Variants in IMPG1 observed in about 807,000 individuals in gnomAD.
The protein encoded by IMPG1 is interphotoreceptor matrix proteoglycan 1.
A neutral mutation model predicts 92.0 loss-of-function variants in IMPG1; 85 were observed. The ratio of observed to expected loss-of-function variants is 0.92; its 90% confidence interval spans 0.78 to 1.11. The LOEUF (loss-of-function observed/expected upper bound fraction) is 1.11, where lower values mean the gene tolerates loss of function less well. Among genes scored for constraint, IMPG1 ranks in the 50% least tolerant of loss-of-function variants. The probability of loss-of-function intolerance (pLI) is 0.00; values close to 1 mark genes in which losing one functional copy is unlikely to be tolerated. For synonymous variants in IMPG1, 367 were observed against 334.1 expected, an observed-to-expected ratio of 1.10 and a Z score of -1.08; for missense variants, 1,022 against 956.0, an observed-to-expected ratio of 1.07 and a Z score of -0.91.
At chr6:75,927,678 G>A (rs1241395937) in intron 15 of IMPG1, among the ~76,000 whole-genome samples, 1 of 151,758 alleles carries the variant, frequency 6.6e-6, no homozygotes, top group African/African-American at 2.4e-5. Flanking sequence ...GGGTAATAAG[G>A]GCATTTCTCC....
At chr6:75,927,252 A>G (rs1206946107) in intron 15 of IMPG1, among the ~76,000 whole-genome samples, 1 of 152,130 alleles carries the variant, frequency 6.6e-6, no homozygotes. Flanking sequence ...TTCCCATTAG[A>G]TAGATGAGAA....
chr6:75,924,592 ATT>A (rs1781499689), intron 15 of IMPG1, among the ~76,000 whole-genome samples: 2 of 29,320 alleles, frequency 6.8e-5, no homozygotes, highest in African/African-American at 1.9e-4. Flanking sequence ...ATAATTATAT[ATT>A]ATATATAATT....
At chr6:76,013,248 C>CTAAATGG (rs1783222213) in intron 7 of IMPG1, among the ~76,000 whole-genome samples, 1 of 152,028 alleles carries the variant, frequency 6.6e-6, no homozygotes, top group Non-Finnish European at 1.5e-5. Flanking sequence ...GCATTTAAGA[C>CTAAATGG]CCTCCAGAAT....
intron 12 of IMPG1, among the ~76,000 whole-genome samples, chr6:75,987,719 AC>A (rs2149472044): frequency 6.7e-6 from 1 of 149,380 alleles, no homozygotes; most frequent in Non-Finnish European, 1.5e-5. Context: ...ATCTCCGCTC[AC>A]TGCAAACTCC....
intron 6 of IMPG1, among the ~76,000 whole-genome samples, chr6:76,020,614 C>A (rs1783405947): frequency 6.6e-6 from 1 of 152,056 alleles, no homozygotes; most frequent in South Asian, 2.1e-4. Context: ...GTGTGAGATG[C>A]CAGGTTCTAG....
At chr6:76,005,196 C>T in intron 10 of IMPG1, 91 bp downstream of exon 10, 1 of 1,333,568 alleles carries the variant, frequency 7.5e-7, no homozygotes, top group Non-Finnish European at 1.0e-6. Context: ...TTAGAAGACC[C>T]AAGTTAAAAT....
intron 2 of IMPG1, among the ~76,000 whole-genome samples, chr6:76,040,249 A>T (rs368879024): frequency 1.5e-4 from 23 of 152,350 alleles, no homozygotes; most frequent in African/African-American, 5.1e-4. Flanking sequence ...AAGAGCTGAG[A>T]ATAAAAATTC....
intron 12 of IMPG1, among the ~76,000 whole-genome samples, chr6:75,985,174 G>A (rs1159159340): frequency 6.6e-6 from 1 of 152,108 alleles, no homozygotes; most frequent in Non-Finnish European, 1.5e-5. Flanking sequence ...CCTGATATTT[G>A]TGATTTTGGT....
In IMPG1 at chr6:76,006,384, AAT is replaced by A. The variant is rs986449381; in HGVS notation, c.888-852_888-851del. On this transcript the variant is annotated intron_variant, in intron 9 of 16. Coordinates refer to ENST00000369950, the MANE Select transcript of IMPG1 (RefSeq NM_001563.4). ...ATTATGCATATACACATATATGTAA[AAT>A]ATATATATATAGTATATATATGTAA... 8.1e-5 allele frequency among the ~76,000 whole-genome samples: 12 copies of A among 147,684 alleles called. 1 individual carries two copies. The highest frequency in any genetic ancestry group is 6.1e-4 in the Admixed American group (9 of 14,684).
chr6:75,984,938 G>A (rs148941428), intron 12 of IMPG1, among the ~76,000 whole-genome samples: 4 of 152,082 alleles, frequency 2.6e-5, no homozygotes, highest in Non-Finnish European at 4.4e-5. Context: ...CTCACCAGAA[G>A]CCAAGCCAAT....
At chr6:76,008,862 G>A (rs1043159697) in intron 8 of IMPG1, among the ~76,000 whole-genome samples, 1 of 152,128 alleles carries the variant, frequency 6.6e-6, no homozygotes, top group Non-Finnish European at 1.5e-5. Context: ...CCTACTGTGC[G>A]ATCCTTCCCC....
intron 12 of IMPG1, among the ~76,000 whole-genome samples, chr6:75,979,719 A>G (rs930794972): frequency 5.3e-5 from 8 of 152,184 alleles, no homozygotes; most frequent in African/African-American, 1.9e-4. Flanking sequence ...GTTTTGAGTT[A>G]AGGAAAATTA....
At chr6:75,933,243 T>A (rs906619680) in intron 14 of IMPG1, among the ~76,000 whole-genome samples, 1 of 152,206 alleles carries the variant, frequency 6.6e-6, no homozygotes, top group African/African-American at 2.4e-5. Flanking sequence ...CAAGTCATGA[T>A]CAAATTGTGT....
At chr6:75,946,984 G>A (rs1781937669) in intron 14 of IMPG1, among the ~76,000 whole-genome samples, 1 of 152,056 alleles carries the variant, frequency 6.6e-6, no homozygotes, top group Non-Finnish European at 1.5e-5. Flanking sequence ...CTAGCAGAAT[G>A]TAAATTAGCT....
Position 75,995,476 on chromosome 6 carries a change from C to T in IMPG1, c.1291+7442G>A, listed in dbSNP as rs1386261756. On this transcript the variant is annotated intron_variant, in intron 12 of 16. Coordinates refer to ENST00000369950, the MANE Select transcript of IMPG1 (RefSeq NM_001563.4). ...CAATGTGCCACACCACTGCCAGCTT[C>T]AGCTACTCCCCTCTGCTGAAAATAC... Among the ~76,000 whole-genome samples the T allele has an allele frequency of 2.0e-5, 3 of 152,278 alleles. No individual in the cohort carries two copies. In the East Asian group the frequency reaches 5.8e-4, roughly 29 times the overall value.
chr6:76,065,373 A>AC (rs1784292063), intron 1 of IMPG1, among the ~76,000 whole-genome samples: 1 of 152,112 alleles, frequency 6.6e-6, no homozygotes, highest in Non-Finnish European at 1.5e-5. Context: ...TACTAAAGAG[A>AC]TAAATATTTA....
intron 12 of IMPG1, among the ~76,000 whole-genome samples, chr6:75,984,681 T>C (rs1354235510): frequency 4.6e-5 from 7 of 152,250 alleles, no homozygotes; most frequent in Admixed American, 1.3e-4. Context: ...AAATCTTATG[T>C]TGAAATGTGA....
chr6:75,977,414 C>T (rs549222478), intron 12 of IMPG1, among the ~76,000 whole-genome samples: 1 of 151,770 alleles, frequency 6.6e-6, no homozygotes, highest in Non-Finnish European at 1.5e-5. Flanking sequence ...ATGGAGAAAC[C>T]CCGTTTCTAC....
chr6:75,978,463 A>G lies in IMPG1; in HGVS notation c.1291+24455T>C, dbSNP rs186733562. Among the ~76,000 whole-genome samples the G allele has an allele frequency of 2.6e-3, 403 of 152,158 alleles. 1 individual carries two copies. The highest frequency in any genetic ancestry group is 9.3e-3 in the African/African-American group (385 of 41,444). ...CTATTAATGCCCCTCTGAGAAAGGC[A>G]AGGTAGGCATTGTTAGCCCATTTGC... On this transcript the variant is annotated intron_variant, in intron 12 of 16. Coordinates refer to ENST00000369950, the MANE Select transcript of IMPG1 (RefSeq NM_001563.4).
Sources: gnomAD v4.1 joint callset for allele counts (sites outside exome capture counted in the v4.1 genomes callset) on GRCh38, gnomAD v4.1.1 for gene constraint, MANE v1.5 for transcripts, NCBI Gene and HGNC (gene_info 2026-07-23, HGNC 2026-07-21) for gene names.